PCDH17: variants seen among roughly 807,000 people sequenced by gnomAD.
PCDH17 encodes protocadherin-17.
A neutral mutation model predicts 67.7 loss-of-function variants in PCDH17; 21 were observed. The ratio of observed to expected loss-of-function variants is 0.31; its 90% CI spans 0.22 to 0.45. The LOEUF (loss-of-function observed/expected upper bound fraction) is 0.45. Among genes scored for constraint, PCDH17 ranks in the 20% least tolerant of loss-of-function variants. The pLI, the probability that PCDH17 is intolerant of heterozygous loss-of-function variation, is 1.00. For missense variants in PCDH17, 1,471 were observed against 1,564.8 expected, an observed-to-expected ratio of 0.94 and a Z score of 1.01; for synonymous variants, 701 against 656.7, an observed-to-expected ratio of 1.07 and a Z score of -1.03.
At chr13:57,708,715 C>T (rs557449952) in intron 3 of PCDH17, among the ~76,000 whole-genome samples, 109 of 152,024 alleles carry the variant, frequency 7.2e-4, no homozygotes, top group Admixed American at 4.0e-3. Flanking sequence ...ACCTTGGAAT[C>T]CTACATAATT....
At chr13:57,683,459 T>C (rs1053480104) in intron 3 of PCDH17, among the ~76,000 whole-genome samples, 1 of 151,886 alleles carries the variant, frequency 6.6e-6, no homozygotes, top group Non-Finnish European at 1.5e-5. Context: ...TTGAAATATG[T>C]GACTGCAGAT....
intron 3 of PCDH17, among the ~76,000 whole-genome samples, chr13:57,714,826 TGTCTCATTCGACACG>T (rs1364287108): frequency 2.6e-5 from 4 of 151,626 alleles, no homozygotes. Flanking sequence ...AAGAGAAAAG[TGTCTCATTCGACACG>T]GCAATGCAGT....
intron 3 of PCDH17, among the ~76,000 whole-genome samples, chr13:57,687,286 A>G (rs1459372602): frequency 2.6e-5 from 4 of 152,046 alleles, no homozygotes; most frequent in Non-Finnish European, 4.4e-5. Flanking sequence ...GGAATTTGAA[A>G]GTGATCAGGA....
chr13:57,669,534 ACTAT>A (rs1284149210), intron 3 of PCDH17, among the ~76,000 whole-genome samples: 1 of 152,076 alleles, frequency 6.6e-6, no homozygotes, highest in East Asian at 1.9e-4. Flanking sequence ...CTGTCTTTCA[ACTAT>A]CTATGTTTGT....
At chr13:57,721,520 G>T (rs1010189513) in intron 3 of PCDH17, among the ~76,000 whole-genome samples, 10 of 151,868 alleles carry the variant, frequency 6.6e-5, no homozygotes, top group Non-Finnish European at 1.3e-4. Flanking sequence ...AGAACTGTAG[G>T]GCTTAAGTAA....
Position 57,632,151 on chromosome 13 carries a change from T to G in PCDH17, c.-396T>G. ...AGCGGGAGCGAGGAAAACCTACTGA[T>G]TCTTTAGCTCATTATCATCTCTCCC... On this transcript the variant is annotated 5_prime_UTR_variant, in exon 1 of 4. Coordinates refer to ENST00000377918, the MANE Select transcript of PCDH17 (RefSeq NM_001040429.3). The G allele has an allele frequency of 3.9e-6, 1 of 258,348 alleles. No individual in the cohort carries two copies. 16.0% of individuals were successfully genotyped at this position (258,348 alleles called of 1,614,324 possible).
chr13:57,717,880 A>T (rs946824132), intron 3 of PCDH17, among the ~76,000 whole-genome samples: 6 of 152,002 alleles, frequency 3.9e-5, no homozygotes, highest in African/African-American at 1.4e-4. Context: ...TTTTAAATTT[A>T]TAATTCTTTA....
At chr13:57,715,826 C>T (rs925631710) in intron 3 of PCDH17, among the ~76,000 whole-genome samples, 1 of 151,546 alleles carries the variant, frequency 6.6e-6, no homozygotes, top group Non-Finnish European at 1.5e-5. Context: ...AATACTTTAC[C>T]ATATGAAATG....
chr13:57,631,093 T>C (rs1954713247), upstream of PCDH17, among the ~76,000 whole-genome samples: 2 of 151,970 alleles, frequency 1.3e-5, 1 homozygote, highest in Non-Finnish European at 2.9e-5. Context: ...CAAACCTTGA[T>C]GTGTTGCTTT....
chr13:57,648,544 T>A (rs2807634), intron 1 of PCDH17, among the ~76,000 whole-genome samples: 122,780 of 151,814 alleles, frequency 0.81, 49,783 homozygotes, highest in South Asian at 0.88. Flanking sequence ...AAAATTTGAA[T>A]AAATAAAGGC....
intron 3 of PCDH17, among the ~76,000 whole-genome samples, chr13:57,694,170 A>G (rs1360885707): frequency 6.6e-6 from 1 of 151,262 alleles, no homozygotes; most frequent in Non-Finnish European, 1.5e-5. Flanking sequence ...AAGTTGATAA[A>G]TCAGTCCAAG....
At chr13:57,664,943 C>T (rs1217295746) in intron 1 of PCDH17, among the ~76,000 whole-genome samples, 4 of 152,130 alleles carry the variant, frequency 2.6e-5, no homozygotes, top group African/African-American at 9.7e-5. Context: ...AAGTAAGATG[C>T]TTCACTGAAT....
In PCDH17 at chr13:57,661,970, G is replaced by A. The variant is rs549627825; in HGVS notation, c.2566-4498G>A. ...CGCCTCCTGGATTCAAGCGATTCTC[G>A]TGCCTCAGCCACCCAAGTAGCTGGG... On this transcript the variant is annotated intron_variant, in intron 1 of 3. Transcript: ENST00000377918. Among the ~76,000 whole-genome samples, 6 of 152,052 alleles carry A rather than the reference G, an allele frequency of 3.9e-5. No homozygotes were observed. In the East Asian group the frequency reaches 7.8e-4, roughly 20 times the overall value.
Position 57,728,683 on chromosome 13 carries a change from T to C in PCDH17, c.*3389T>C, listed in dbSNP as rs1955932222. On this transcript the variant is annotated 3_prime_UTR_variant, in exon 4 of 4. Transcript: ENST00000377918. ...TTTCTTAACCTGACATTTCTAACTT[T>C]ATTGCAGGCAATATACAAAGATTGG... The C allele has an allele frequency of 6.6e-6, 1 of 152,114 alleles. No individual in the cohort carries two copies. Among genetic ancestry groups the C allele is most frequent in the Non-Finnish European group, 1.5e-5 (1 of 67,980 alleles). The allele number at this position is 152,114 out of a possible 1,614,324, so 9.4% of individuals were successfully genotyped here. A position where few individuals can be genotyped will look rare whatever the true frequency, so the allele number is the denominator to read the frequency against.
upstream of PCDH17, among the ~76,000 whole-genome samples, chr13:57,631,137 T>C (rs1336511419): frequency 6.6e-6 from 1 of 151,330 alleles, no homozygotes; most frequent in Non-Finnish European, 1.5e-5. Flanking sequence ...TAAGAGAAAA[T>C]TGAAGGAAAA....
chr13:57,650,218 TTGTGTGTGTGTGTGTG>T lies in PCDH17; in HGVS notation c.2565+15135_2565+15150del, dbSNP rs67398023. On this transcript the variant is annotated intron_variant, in intron 1 of 3. Transcript: ENST00000377918. ...ATATTTGAGATTTCTGGACCCTTGATTGTGTGTGTGTGTGTGTGTGTGTGTGTGTGTGTGTGTGTGT... is the reference window on the plus strand; with the variant it reads ...ATATTTGAGATTTCTGGACCCTTGATTGTGTGTGTGTGTGTGTGTGTGTGT... Among the ~76,000 whole-genome samples, 231 of 137,560 alleles carry T rather than the reference TTGTGTGTGTGTGTGTG, an allele frequency of 1.7e-3. 1 individual carries two copies. Among genetic ancestry groups the T allele is most frequent in the Non-Finnish European group, 2.6e-3 (169 of 64,382 alleles). The allele number at this position is 137,560 out of a possible 152,430, so 90.2% of individuals were successfully genotyped here. A position where few individuals can be genotyped will look rare whatever the true frequency, so the allele number is the denominator to read the frequency against.
chr13:57,640,387 GT>G (rs1212594395), intron 1 of PCDH17, among the ~76,000 whole-genome samples: 4 of 151,954 alleles, frequency 2.6e-5, no homozygotes, highest in Non-Finnish European at 5.9e-5. Context: ...ATTTAAATAT[GT>G]GTATAAATGT....
chr13:57,707,263 T>C (rs2138083788), intron 3 of PCDH17, among the ~76,000 whole-genome samples: 1 of 152,096 alleles, frequency 6.6e-6, no homozygotes, highest in East Asian at 1.9e-4. Flanking sequence ...TTTGAGACCA[T>C]TTGCATTTAT....
At chr13:57,657,331 C>T (rs1187915687) in intron 1 of PCDH17, among the ~76,000 whole-genome samples, 6 of 152,064 alleles carry the variant, frequency 3.9e-5, no homozygotes, top group Non-Finnish European at 8.8e-5. Flanking sequence ...TTTTATTACG[C>T]CTTTAGTAGC....
Sources: gnomAD v4.1 joint callset for allele counts (sites outside exome capture counted in the v4.1 genomes callset) on GRCh38, gnomAD v4.1.1 for gene constraint, MANE v1.5 for transcripts, NCBI Gene and HGNC (gene_info 2026-07-23, HGNC 2026-07-21) for gene names.